ARL2: variants seen among roughly 807,000 people sequenced by gnomAD.
ARL2 encodes the protein ADP-ribosylation factor-like protein 2.
In ARL2, 11 loss-of-function variants were observed where a neutral mutation model predicts 22.0. That is an observed-to-expected ratio of 0.50 (90% CI 0.31 to 0.83). ARL2 has a LOEUF of 0.83. ARL2 is among the 40% of genes least tolerant of loss of function. ARL2 has a pLI of 0.04. For synonymous variants in ARL2, 111 were observed against 100.8 expected (o/e 1.10, Z -0.61); for missense variants, 216 against 243.2 (o/e 0.89, Z 0.74).
rs1590733027 is a variant in ARL2 at position 65,021,842 on chromosome 11, T to G, written c.542T>G (p.Phe181Cys). The change falls in exon 5 of 5, where the codon TTC (phenylalanine) becomes TGC (cysteine). Residue 181 changes from phenylalanine (F) to cysteine (C), a missense_variant. Phe to Cys is a radical substitution (Grantham distance 205). Coordinates refer to ENST00000246747, the MANE Select transcript of ARL2 (RefSeq NM_001667.4). Reference protein sequence around the residue: ...WLLDDISSRIFTAD With the variant: ...WLLDDISSRICTAD ...CTGGATGACATTTCCAGCCGCATTT[T>G]CACAGCTGACTGAACCACTCCAGAT... 1.2e-6 allele frequency: 2 copies of G among 1,613,112 alleles called. No homozygotes were observed. Among genetic ancestry groups the G allele is most frequent in the Non-Finnish European group, 1.7e-6 (2 of 1,179,932 alleles).
chr11:65,021,924 G>A lies in ARL2; in HGVS notation c.*69G>A. 4 of 1,560,986 alleles carry A rather than the reference G, an allele frequency of 2.6e-6. No homozygotes were observed. The South Asian group carries it at 3.4e-5, about 13-fold the overall frequency. ...CTTCACCAAACACTACCCATGGGGGGTTGGGAGTCAGCCGGCCAAACTAAC... is the reference window on the plus strand; with the variant it reads ...CTTCACCAAACACTACCCATGGGGGATTGGGAGTCAGCCGGCCAAACTAAC... On this transcript the variant is annotated 3_prime_UTR_variant, in exon 5 of 5. Transcript: ENST00000246747.
Position 65,021,745 on chromosome 11 carries a change from AGCCACCACT to A in ARL2, c.447_455del (p.Ser149_Trp152delinsArg). 6.2e-7 allele frequency: 1 copy of A among 1,607,944 alleles called. No homozygotes were observed. Among genetic ancestry groups the A allele is most frequent in the South Asian group, 1.1e-5 (1 of 90,988 alleles). On this transcript the variant is annotated inframe_deletion, in exon 5 of 5. Transcript: ENST00000246747. ...GGTCCTGGAGCTGGACTCCATCCGC[AGCCACCACT>A]GGTGCATCCAGGGCTGCAGCGCCGT...
chr11:65,019,171 AGG>A (rs757606374), intron 3 of ARL2: 21 of 336,086 alleles, frequency 6.2e-5, no homozygotes, highest in Non-Finnish European at 1.1e-4. Flanking sequence ...CAGGAGGTTG[AGG>A]CTGCAGTGAG....
In ARL2 at chr11:65,014,172, G is replaced by C; in HGVS notation, c.-36G>C. On this transcript the variant is annotated 5_prime_UTR_variant, in exon 1 of 5. Transcript: ENST00000246747. ...AACCGGGAGCGGGGTCCCGGGACTG[G>C]GAAGAAACGGCGGCCGGGAGGGGGC... 1 of 1,525,184 alleles carries C rather than the reference G, an allele frequency of 6.6e-7. No homozygotes were observed. The highest frequency in any genetic ancestry group is 8.8e-7 in the Non-Finnish European group (1 of 1,133,794). 94.5% of individuals were successfully genotyped at this position (1,525,184 alleles called of 1,614,324 possible).
chr11:65,019,687 C>T (rs1365808931), intron 3 of ARL2: 1 of 152,588 alleles, frequency 6.6e-6, no homozygotes, highest in Non-Finnish European at 1.5e-5. Flanking sequence ...ATCTTAATTA[C>T]AGATTTTATT....
chr11:65,016,666 G>A (rs1013934147), intron 1 of ARL2, among the ~76,000 whole-genome samples: 3 of 152,084 alleles, frequency 2.0e-5, no homozygotes, highest in Non-Finnish European at 4.4e-5. Flanking sequence ...TGTGTGCCAT[G>A]TGAGATGCCT....
In ARL2 at chr11:65,021,983, ACTGCTGCCCG is replaced by A. The variant is rs1345475403; in HGVS notation, c.*136_*145del. 2 of 1,355,910 alleles carry A rather than the reference ACTGCTGCCCG, an allele frequency of 1.5e-6. No individual in the cohort carries two copies. Among genetic ancestry groups the A allele is most frequent in the Non-Finnish European group, 2.0e-6 (2 of 1,001,086 alleles). The allele number at this position is 1,355,910 out of a possible 1,614,324, so 84.0% of individuals were successfully genotyped here. On this transcript the variant is annotated 3_prime_UTR_variant, in exon 5 of 5. Coordinates refer to ENST00000246747, the MANE Select transcript of ARL2 (RefSeq NM_001667.4). Reference sequence around the variant, plus strand: ...TCCTCCACCCCAGCCTGCTGCTGCTACTGCTGCCCGCTGCTGCTCTGTGGCCACCCGGCTC... The same window carrying A: ...TCCTCCACCCCAGCCTGCTGCTGCTACTGCTGCTCTGTGGCCACCCGGCTC...
At position 65,018,646 on chromosome 11, in the gene ARL2, C is replaced by G; in HGVS notation, c.252C>G (p.Thr84=). 1 of 1,614,116 alleles carries G rather than the reference C, an allele frequency of 6.2e-7. No individual in the cohort carries two copies. The highest frequency in any genetic ancestry group is 8.5e-7 in the Non-Finnish European group (1 of 1,180,012). ...RSYWRNYFES[T]DGLIWVVDSA... ...ACTGGCGGAACTACTTTGAGAGCAC[C>G]GATGGCCTCATCTGGGTAGTGGACA... Residue 84 remains threonine, a synonymous_variant, in exon 3 of 5, where the codon ACC becomes ACG. Coordinates refer to ENST00000246747, the MANE Select transcript of ARL2 (RefSeq NM_001667.4). The surrounding 1 kb of genome is among the most constrained non-coding windows in gnomAD (Gnocchi z 4.2).
chr11:65,015,269 A>G (rs1946236492), intron 1 of ARL2, among the ~76,000 whole-genome samples: 1 of 152,104 alleles, frequency 6.6e-6, no homozygotes, highest in African/African-American at 2.4e-5. Flanking sequence ...GCCCGCCACC[A>G]CGCCCGGCTA....
intron 4 of ARL2, 48 bp downstream of exon 4, chr11:65,020,547 T>C: frequency 6.7e-7 from 1 of 1,488,538 alleles, no homozygotes; most frequent in Non-Finnish European, 9.1e-7. Context: ...GGGGCATACA[T>C]TTATTTATTT....
intron 3 of ARL2, 28 bp from the exon 4 acceptor site, chr11:65,020,391 C>T (rs576735088): frequency 9.5e-6 from 15 of 1,581,418 alleles, no homozygotes; most frequent in African/African-American, 5.4e-5. Context: ...TGAGTCCCCA[C>T]CCCACCCCTC....
intron 1 of ARL2, among the ~76,000 whole-genome samples, chr11:65,017,140 A>G (rs1425730576): frequency 6.6e-6 from 1 of 152,056 alleles, no homozygotes; most frequent in African/African-American, 2.4e-5. Flanking sequence ...TTCCTGTAAA[A>G]GGAAAGATAT....
intron 1 of ARL2, among the ~76,000 whole-genome samples, chr11:65,014,751 T>TA (rs1049166976): frequency 1.3e-5 from 2 of 152,152 alleles, no homozygotes; most frequent in Admixed American, 6.5e-5. Context: ...TCTTTGGTGT[T>TA]ACGCGGCCCG....
At chr11:65,016,264 A>C (rs1405986230) in intron 1 of ARL2, among the ~76,000 whole-genome samples, 1 of 120,544 alleles carries the variant, frequency 8.3e-6, no homozygotes, top group African/African-American at 3.5e-5. Flanking sequence ...ACCATATAGC[A>C]ATTCGGGGGG....
chr11:65,020,554 A>C, intron 4 of ARL2, 55 bp downstream of exon 4: 1 of 1,477,338 alleles, frequency 6.8e-7, no homozygotes, highest in Non-Finnish European at 9.2e-7. Flanking sequence ...ACATTTATTT[A>C]TTTTAAAAGC....
At chr11:65,014,377 A>G (rs931987646) in intron 1 of ARL2, 105 bp downstream of exon 1, 3 of 965,924 alleles carry the variant, frequency 3.1e-6, no homozygotes, top group Non-Finnish European at 4.4e-6. Context: ...GCGCGTCCCA[A>G]CTGCCCCTGG....
chr11:65,017,941 CAG>C (rs970821697), intron 1 of ARL2, among the ~76,000 whole-genome samples: 7 of 152,256 alleles, frequency 4.6e-5, no homozygotes, highest in Non-Finnish European at 1.0e-4. Flanking sequence ...CCAGACACCT[CAG>C]AGAGGCCTTC....
chr11:65,014,171 G>A lies in ARL2; in HGVS notation c.-37G>A. On this transcript the variant is annotated 5_prime_UTR_variant, in exon 1 of 5. Coordinates refer to ENST00000246747, the MANE Select transcript of ARL2 (RefSeq NM_001667.4). Reference sequence around the variant, plus strand: ...GAACCGGGAGCGGGGTCCCGGGACTGGGAAGAAACGGCGGCCGGGAGGGGG... The same window carrying A: ...GAACCGGGAGCGGGGTCCCGGGACTAGGAAGAAACGGCGGCCGGGAGGGGG... The A allele has an allele frequency of 5.9e-6, 9 of 1,515,878 alleles. No homozygotes were observed. Among genetic ancestry groups the A allele is most frequent in the Non-Finnish European group, 7.1e-6 (8 of 1,125,748 alleles). 93.9% of individuals were successfully genotyped at this position (1,515,878 alleles called of 1,614,324 possible). A position where few individuals can be genotyped will look rare whatever the true frequency, so the allele number is the denominator to read the frequency against.
In ARL2 at chr11:65,018,769, C is replaced by CAT. The variant is rs1420973159; in HGVS notation, c.339+36_339+37insAT. Reference sequence around the variant, plus strand: ...CCTACCCTTTGTGTACATGTATGGACGTGTGGCTGCCTTCTCAGCAGATGC... The same window carrying CAT: ...CCTACCCTTTGTGTACATGTATGGACATGTGTGGCTGCCTTCTCAGCAGATGC... On this transcript the variant is annotated intron_variant, in intron 3 of 4. Transcript: ENST00000246747. The surrounding 1 kb of genome is among the most constrained non-coding windows in gnomAD (Gnocchi z 4.2). 6.2e-7 allele frequency: 1 copy of CAT among 1,611,202 alleles called. No individual in the cohort carries two copies. The highest frequency in any genetic ancestry group is 1.7e-5 in the Admixed American group (1 of 59,904).
Sources: gnomAD v4.1 joint callset for allele counts (sites outside exome capture counted in the v4.1 genomes callset) on GRCh38, gnomAD v4.1.1 for gene constraint, Gnocchi (gnomAD v3.1) non-coding constraint, MANE v1.5 for transcripts, NCBI Gene and HGNC (gene_info 2026-07-23, HGNC 2026-07-21) for gene names.